SEMA3A: variants seen among roughly 807,000 people sequenced by gnomAD.
SEMA3A encodes the protein semaphorin 3A.
In SEMA3A, 29 loss-of-function variants were observed where a neutral mutation model predicts 97.9. The ratio of observed to expected loss-of-function variants is 0.30; its 90% confidence interval spans 0.22 to 0.40. SEMA3A has a LOEUF of 0.40. Among genes scored for constraint, SEMA3A ranks in the 10% least tolerant of loss-of-function variants. The pLI is 1.00. For missense variants in SEMA3A, 763 were observed against 951.3 expected, an observed-to-expected ratio of 0.80 and a Z score of 2.60; for synonymous variants, 321 against 323.7, an observed-to-expected ratio of 0.99 and a Z score of 0.09.
chr7:84,374,474 G>A (rs1803050907), intron 1 of SEMA3A, among the ~76,000 whole-genome samples: 1 of 152,162 alleles, frequency 6.6e-6, no homozygotes, highest in Non-Finnish European at 1.5e-5. Flanking sequence ...GTGTGTGTGT[G>A]TATGTGCATA....
chr7:83,986,964 TCTC>T (rs202003172), intron 12 of SEMA3A, among the ~76,000 whole-genome samples: 23,510 of 150,024 alleles, frequency 0.16, 2,099 homozygotes, highest in Non-Finnish European at 0.21. Context: ...CTCATCTCTC[TCTC>T]TTTCACACAC....
chr7:84,180,694 TAAAAAATAAAAA>T (rs1350996210), intron 1 of SEMA3A, among the ~76,000 whole-genome samples: 5 of 151,848 alleles, frequency 3.3e-5, no homozygotes, highest in African/African-American at 1.2e-4. Context: ...TCTCAAATAA[TAAAAAATAAAAA>T]TAAAAATAAA....
chr7:84,011,239 C>T lies in SEMA3A; in HGVS notation c.869G>A (p.Arg290His), dbSNP rs140824469. 1.5e-5 allele frequency: 25 copies of T among 1,613,854 alleles called. No individual in the cohort carries two copies. The highest frequency in any genetic ancestry group is 4.0e-5 in the African/African-American group (3 of 74,916). ...TGGACCTGGCACTGAGCAAATCAGA[C>T]GAGCTTTGAGGAATGTTGTCCATTT... ...VNKWTTFLKA[R>H]LICSVPGPNG... is the part of the protein sequence containing the mutation. The change falls in exon 8 of 17, where the codon CGT becomes CAT. Residue 290 changes from arginine (R) to histidine (H), a missense_variant. Physicochemically the swap from Arg to His is conservative, Grantham distance 29 (BLOSUM62 0). Coordinates refer to ENST00000265362, the MANE Select transcript of SEMA3A (RefSeq NM_006080.3).
chr7:84,318,547 C>A (rs576504482), intron 2 of SEMA3A, among the ~76,000 whole-genome samples: 1 of 152,064 alleles, frequency 6.6e-6, no homozygotes, highest in South Asian at 2.1e-4. Context: ...TGGTCTCGAT[C>A]TCCTGACCTC....
intron 1 of SEMA3A, among the ~76,000 whole-genome samples, chr7:84,373,147 A>G (rs868728347): frequency 2.4e-4 from 36 of 152,314 alleles, no homozygotes; most frequent in African/African-American, 8.7e-4. Context: ...CCAAGCCCAG[A>G]CTAAATAAGT....
intron 1 of SEMA3A, among the ~76,000 whole-genome samples, chr7:84,425,872 ACACACC>A (rs147769914): frequency 0.21 from 23,909 of 116,172 alleles, 1,993 homozygotes; most frequent in African/African-American, 0.31. Flanking sequence ...ACACACACAC[ACACACC>A]CACACACACA....
At chr7:84,375,169 G>A (rs1387121294) in intron 1 of SEMA3A, among the ~76,000 whole-genome samples, 2 of 151,956 alleles carry the variant, frequency 1.3e-5, no homozygotes, top group African/African-American at 2.4e-5. Context: ...ACAGGCACCC[G>A]CCAACACATC....
At chr7:83,974,568 A>G (rs923038105) in intron 15 of SEMA3A, among the ~76,000 whole-genome samples, 1 of 152,130 alleles carries the variant, frequency 6.6e-6, no homozygotes, top group Non-Finnish European at 1.5e-5. Flanking sequence ...GAGAATTAAT[A>G]TTAGCAAGAC....
chr7:84,056,148 G>A (rs966270388), intron 5 of SEMA3A, among the ~76,000 whole-genome samples: 7 of 152,130 alleles, frequency 4.6e-5, no homozygotes, highest in African/African-American at 1.4e-4. Context: ...TACTATTTGA[G>A]GATACGACCA....
chr7:84,239,823 C>A (rs1459472078), intron 3 of SEMA3A, among the ~76,000 whole-genome samples: 2 of 152,174 alleles, frequency 1.3e-5, no homozygotes, highest in African/African-American at 4.8e-5. Flanking sequence ...TTATTACTGT[C>A]ACTGTGAGTC....
At chr7:84,089,691 C>T (rs976780533) in intron 4 of SEMA3A, among the ~76,000 whole-genome samples, 1 of 151,852 alleles carries the variant, frequency 6.6e-6, no homozygotes, top group Non-Finnish European at 1.5e-5. Flanking sequence ...AAATTGATTG[C>T]TTTTTATAAT....
chr7:83,977,279 AAT>A (rs150425956), intron 14 of SEMA3A, 83 bp from the exon 15 acceptor site: 2,873 of 585,664 alleles, frequency 4.9e-3, no homozygotes, highest in East Asian at 5.5e-3. Flanking sequence ...AGAGAAATAA[AAT>A]ATATATATAT....
chr7:84,319,852 T>G (rs989016105), intron 2 of SEMA3A, among the ~76,000 whole-genome samples: 1 of 152,206 alleles, frequency 6.6e-6, no homozygotes, highest in Non-Finnish European at 1.5e-5. Flanking sequence ...TTTGTGTTTT[T>G]CAATATTTTT....
Position 83,997,336 on chromosome 7 carries a change from C to G in SEMA3A, c.1452+4619G>C, listed in dbSNP as rs1182456947. On this transcript the variant is annotated intron_variant, in intron 12 of 16. Transcript: ENST00000265362. Reference sequence around the variant, plus strand: ...CATGGCTCGAATAGAAACAAAGAAACTGTAAAATTTCTCTGCTTATTTCAC... The same window carrying G: ...CATGGCTCGAATAGAAACAAAGAAAGTGTAAAATTTCTCTGCTTATTTCAC... Among the ~76,000 whole-genome samples, 3 of 152,108 alleles carry G rather than the reference C, an allele frequency of 2.0e-5. No individual in the cohort carries two copies. The East Asian group carries it at 5.8e-4, about 29-fold the overall frequency.
chr7:84,076,175 G>A (rs990158152), intron 4 of SEMA3A, among the ~76,000 whole-genome samples: 10 of 152,114 alleles, frequency 6.6e-5, no homozygotes, highest in African/African-American at 2.4e-4. Context: ...TGTTATGATA[G>A]ATAGCATATG....
chr7:84,180,111 T>A (rs1297106137), intron 1 of SEMA3A, among the ~76,000 whole-genome samples: 2 of 150,136 alleles, frequency 1.3e-5, no homozygotes, highest in Non-Finnish European at 3.0e-5. Context: ...CATGCCCGGC[T>A]GATTTTGTAT....
chr7:84,006,530 A>C (rs960690359), intron 10 of SEMA3A, among the ~76,000 whole-genome samples: 17 of 152,072 alleles, frequency 1.1e-4, no homozygotes, highest in African/African-American at 4.1e-4. Context: ...TCACCTCTGG[A>C]TGTAAACACT....
intron 1 of SEMA3A, among the ~76,000 whole-genome samples, chr7:84,460,824 G>A (rs1397849543): frequency 6.6e-6 from 1 of 152,096 alleles, no homozygotes; most frequent in East Asian, 1.9e-4. Flanking sequence ...AAGGAGCCAG[G>A]GCTTCAGCTT....
chr7:84,426,826 T>A (rs1457126873), intron 1 of SEMA3A, among the ~76,000 whole-genome samples: 5 of 152,178 alleles, frequency 3.3e-5, no homozygotes, highest in Non-Finnish European at 1.5e-5. Flanking sequence ...ATAATCAGAC[T>A]TATAAATTTT....
Sources: gnomAD v4.1 joint callset for allele counts (sites outside exome capture counted in the v4.1 genomes callset) on GRCh38, gnomAD v4.1.1 for gene constraint, MANE v1.5 for transcripts, NCBI Gene and HGNC (gene_info 2026-07-23, HGNC 2026-07-21) for gene names.